Variants in CCDC60 observed in about 807,000 individuals in gnomAD.
CCDC60 encodes coiled-coil domain containing 60.
A neutral mutation model predicts 63.5 loss-of-function variants in CCDC60; 54 were observed. The observed-to-expected ratio is 0.85, with a 90% CI of 0.68 to 1.07. The LOEUF (loss-of-function observed/expected upper bound fraction) is 1.07, where lower values mean the gene tolerates loss of function less well. Ranked by LOEUF, CCDC60 falls within the 50% of genes least tolerant of loss-of-function variation. The pLI is 0.00. For missense variants in CCDC60, 651 were observed against 684.3 expected (o/e 0.95, Z 0.54); for synonymous variants, 206 against 238.8 (o/e 0.86, Z 1.27).
intron 2 of CCDC60, among the ~76,000 whole-genome samples, chr12:119,430,721 A>G (rs551693614): frequency 4.6e-5 from 7 of 151,640 alleles, no homozygotes; most frequent in African/African-American, 1.7e-4. Context: ...GAACTCAGCC[A>G]TCTGCAAGCC....
intron 8 of CCDC60, among the ~76,000 whole-genome samples, chr12:119,519,126 C>T (rs931518526): frequency 6.6e-6 from 1 of 152,184 alleles, no homozygotes; most frequent in Non-Finnish European, 1.5e-5. Context: ...ACTTTAGAAG[C>T]TGGATTCCTT....
chr12:119,482,143 T>TACAC (rs997114191), intron 4 of CCDC60, among the ~76,000 whole-genome samples: 9 of 143,462 alleles, frequency 6.3e-5, no homozygotes, highest in African/African-American at 2.0e-4. Flanking sequence ...CACATATATA[T>TACAC]ACACACACAC....
intron 9 of CCDC60, among the ~76,000 whole-genome samples, chr12:119,521,015 A>G (rs953170767): frequency 1.3e-5 from 2 of 152,026 alleles, no homozygotes; most frequent in Non-Finnish European, 2.9e-5. Context: ...AAATCTATGG[A>G]CTCCTTTAAG....
chr12:119,458,336 G>A (rs1227683753), intron 2 of CCDC60, among the ~76,000 whole-genome samples: 1 of 152,134 alleles, frequency 6.6e-6, no homozygotes, highest in East Asian at 1.9e-4. Context: ...AGCACTCCTG[G>A]CTTTATAGCC....
At chr12:119,454,163 G>A (rs542403594) in intron 2 of CCDC60, among the ~76,000 whole-genome samples, 1 of 152,196 alleles carries the variant, frequency 6.6e-6, no homozygotes, top group South Asian at 2.1e-4. Flanking sequence ...CAAAACCAGT[G>A]TATTTTTCTC....
At chr12:119,357,694 TCCACCCA>T (rs1449320157) in intron 1 of CCDC60, among the ~76,000 whole-genome samples, 1 of 152,200 alleles carries the variant, frequency 6.6e-6, no homozygotes, top group African/African-American at 2.4e-5. Context: ...CCTCAGGTGA[TCCACCCA>T]CTTCGGCCTC....
chr12:119,399,616 C>T (rs574309027), intron 1 of CCDC60, among the ~76,000 whole-genome samples: 1 of 152,200 alleles, frequency 6.6e-6, no homozygotes, highest in South Asian at 2.1e-4. Context: ...ACTTGCAGAG[C>T]CAAAGATCAA....
At chr12:119,535,489 C>T (rs1258991517) in intron 13 of CCDC60, among the ~76,000 whole-genome samples, 1 of 152,108 alleles carries the variant, frequency 6.6e-6, no homozygotes, top group Non-Finnish European at 1.5e-5. Flanking sequence ...TTGTCTAGTT[C>T]TTTTCATTGT....
At chr12:119,531,317 G>T (rs1371402933) in intron 13 of CCDC60, among the ~76,000 whole-genome samples, 1 of 152,168 alleles carries the variant, frequency 6.6e-6, no homozygotes, top group Admixed American at 6.5e-5. Flanking sequence ...CAGTAATAAG[G>T]AGTCCTTTAT....
intron 1 of CCDC60, among the ~76,000 whole-genome samples, chr12:119,416,329 A>G (rs1295051865): frequency 6.6e-6 from 1 of 151,702 alleles, no homozygotes; most frequent in East Asian, 1.9e-4. Context: ...CAGTGAGCCG[A>G]GATCACACCA....
intron 2 of CCDC60, among the ~76,000 whole-genome samples, chr12:119,432,417 C>T (rs1023329079): frequency 1.4e-4 from 21 of 152,360 alleles, no homozygotes; most frequent in African/African-American, 4.8e-4. Context: ...TACAGAATTT[C>T]ATGGGCATCA....
At chr12:119,519,763 A>G (rs1222721170) in intron 8 of CCDC60, among the ~76,000 whole-genome samples, 4 of 151,792 alleles carry the variant, frequency 2.6e-5, no homozygotes, top group Admixed American at 6.6e-5. Context: ...ACGCCTGGCC[A>G]GTAGCTATAT....
intron 1 of CCDC60, among the ~76,000 whole-genome samples, chr12:119,414,767 GT>G (rs576594061): frequency 2.1e-4 from 32 of 152,100 alleles, no homozygotes; most frequent in African/African-American, 7.2e-4. Flanking sequence ...GCCCAGGCTG[GT>G]CTCAAACGCC....
At chr12:119,491,022 G>C (rs1951568701) in intron 5 of CCDC60, among the ~76,000 whole-genome samples, 1 of 152,146 alleles carries the variant, frequency 6.6e-6, no homozygotes, top group South Asian at 2.1e-4. Context: ...TCTATGATAT[G>C]TCCTTCCAAA....
chr12:119,520,527 C>A (rs1043761256), intron 9 of CCDC60, among the ~76,000 whole-genome samples: 9 of 148,368 alleles, frequency 6.1e-5, no homozygotes, highest in African/African-American at 7.5e-5. Flanking sequence ...TTTATTTGTT[C>A]ATTTAGAGAA....
intron 7 of CCDC60, among the ~76,000 whole-genome samples, chr12:119,507,751 G>A (rs953303549): frequency 8.0e-5 from 12 of 149,558 alleles, no homozygotes; most frequent in South Asian, 6.4e-4. Context: ...GGCCACTTAC[G>A]GATTTCTTGA....
intron 1 of CCDC60, among the ~76,000 whole-genome samples, chr12:119,377,690 T>G (rs1436870649): frequency 5.9e-5 from 9 of 152,232 alleles, no homozygotes. Context: ...TGAAAAAATT[T>G]GGAATCAAAT....
chr12:119,446,670 C>T (rs1381704986), intron 2 of CCDC60, among the ~76,000 whole-genome samples: 3 of 150,556 alleles, frequency 2.0e-5, no homozygotes, highest in Non-Finnish European at 4.4e-5. Flanking sequence ...AGAGTGTCTA[C>T]GATGGTTCAC....
At chr12:119,387,641 ATT>A (rs562904781) in intron 1 of CCDC60, among the ~76,000 whole-genome samples, 1 of 152,104 alleles carries the variant, frequency 6.6e-6, no homozygotes, top group South Asian at 2.1e-4. Context: ...TTTAAGGATT[ATT>A]TTGTTTTTCA....
Sources: allele counts gnomAD v4.1 joint callset (sites outside exome capture counted in the v4.1 genomes callset), GRCh38; gene constraint gnomAD v4.1.1; transcripts MANE v1.5; gene names NCBI Gene and HGNC (gene_info 2026-07-23, HGNC 2026-07-21).